The following PITPNC1 variants were observed in gnomAD, a reference collection of about 807,000 sequenced individuals.
The protein encoded by PITPNC1 is cytoplasmic phosphatidylinositol transfer protein 1.
In PITPNC1, 18 loss-of-function variants were observed where a neutral mutation model predicts 44.7. That is an observed-to-expected ratio of 0.40 (90% CI 0.28 to 0.60). The LOEUF (loss-of-function observed/expected upper bound fraction) is 0.60. Among genes scored for constraint, PITPNC1 ranks in the 20% least tolerant of loss-of-function variants. The pLI is 0.39. For synonymous variants in PITPNC1, 141 were observed against 149.6 expected (o/e 0.94, Z 0.42); for missense variants, 290 against 418.4 (o/e 0.69, Z 2.68).
At chr17:67,485,714 G>A (rs913105062) in intron 1 of PITPNC1, among the ~76,000 whole-genome samples, 1 of 152,034 alleles carries the variant, frequency 6.6e-6, no homozygotes, top group Non-Finnish European at 1.5e-5. Context: ...CAGGAGTTGA[G>A]GGACATTGGA....
At chr17:67,526,067 C>T (rs186183341) in intron 1 of PITPNC1, among the ~76,000 whole-genome samples, 15 of 152,254 alleles carry the variant, frequency 9.9e-5, no homozygotes, top group African/African-American at 2.9e-4. Context: ...TGGGAATCTA[C>T]GTTGCAAAGC....
intron 5 of PITPNC1, among the ~76,000 whole-genome samples, chr17:67,608,490 G>GC (rs2041642501): frequency 7.7e-6 from 1 of 129,480 alleles, no homozygotes; most frequent in Non-Finnish European, 1.6e-5. Context: ...CTGTTTCTCA[G>GC]CTTTTTTTTT....
At chr17:67,406,246 A>G (rs906589511) in intron 1 of PITPNC1, among the ~76,000 whole-genome samples, 4 of 151,412 alleles carry the variant, frequency 2.6e-5, no homozygotes, top group Non-Finnish European at 5.9e-5. Context: ...GGGCTCAAAC[A>G]TTTCTCCTGC....
chr17:67,602,761 G>C (rs955871460), intron 5 of PITPNC1, among the ~76,000 whole-genome samples: 1 of 152,082 alleles, frequency 6.6e-6, no homozygotes, highest in African/African-American at 2.4e-5. Flanking sequence ...TTGGGGGGAT[G>C]GATCTTGCTC....
intron 6 of PITPNC1, among the ~76,000 whole-genome samples, chr17:67,660,288 C>G (rs2042324510): frequency 6.6e-6 from 1 of 152,106 alleles, no homozygotes. Context: ...GAACACAGAG[C>G]AGGCAGGAAC....
At position 67,451,639 on chromosome 17, in the gene PITPNC1, T is replaced by G. The variant is rs139230463; in HGVS notation, c.48+73437T>G. ...TCCTTTGAGACTGACCTTTTTTTTT[T>G]TTGTTTTGTTTTTTTTTGAGACAGA... On this transcript the variant is annotated intron_variant, in intron 1 of 8. Coordinates refer to ENST00000581322, the MANE Select transcript of PITPNC1 (RefSeq NM_012417.4). Among the ~76,000 whole-genome samples the G allele has an allele frequency of 1.6e-4, 24 of 151,608 alleles. 1 individual carries two copies. Among genetic ancestry groups the G allele is most frequent in the African/African-American group, 4.4e-4 (18 of 41,040 alleles).
At chr17:67,651,453 C>T (rs2042208670) in intron 6 of PITPNC1, among the ~76,000 whole-genome samples, 1 of 151,864 alleles carries the variant, frequency 6.6e-6, no homozygotes, top group Non-Finnish European at 1.5e-5. Flanking sequence ...GTGGTGGTTG[C>T]AGTGAGCCGA....
chr17:67,611,772 A>G (rs1007038231), intron 5 of PITPNC1: 2 of 152,076 alleles, frequency 1.3e-5, no homozygotes, highest in Non-Finnish European at 2.9e-5. Context: ...CACCCGGCCA[A>G]TGAATGGTTT....
intron 6 of PITPNC1, among the ~76,000 whole-genome samples, chr17:67,640,621 A>T (rs1448365040): frequency 1.4e-5 from 2 of 145,796 alleles, no homozygotes; most frequent in Non-Finnish European, 3.0e-5. Context: ...CGAAGCTTGC[A>T]GTGAGCCAAA....
At chr17:67,443,960 C>A (rs2039055929) in intron 1 of PITPNC1, among the ~76,000 whole-genome samples, 1 of 151,944 alleles carries the variant, frequency 6.6e-6, no homozygotes, top group Non-Finnish European at 1.5e-5. Flanking sequence ...ATCAGGAGAA[C>A]CTGGATTTGG....
intron 1 of PITPNC1, among the ~76,000 whole-genome samples, chr17:67,420,033 G>A (rs1453894465): frequency 6.6e-6 from 1 of 152,122 alleles, no homozygotes; most frequent in Non-Finnish European, 1.5e-5. Context: ...GTCTCATTTT[G>A]CTTCATGCAT....
At position 67,631,628 on chromosome 17, in the gene PITPNC1, CAAAAACCAA is replaced by C. The variant is rs1382303754; in HGVS notation, c.367-509_367-501del. Among the ~76,000 whole-genome samples the C allele has an allele frequency of 1.7e-3, 23 of 13,324 alleles. 1 individual carries two copies. The highest frequency in any genetic ancestry group is 2.0e-3 in the Non-Finnish European group (14 of 6,876). The allele number at this position is 13,324 out of a possible 152,430, so 8.7% of individuals were successfully genotyped here. On this transcript the variant is annotated intron_variant, in intron 5 of 8. Coordinates refer to ENST00000581322, the MANE Select transcript of PITPNC1 (RefSeq NM_012417.4). ...TGGGCGAAAGAGTGAGACTCCGTCT[CAAAAACCAA>C]AAAAAAAAAAAAAAAAAAAAATATA...
At chr17:67,407,983 T>C (rs760891138) in intron 1 of PITPNC1, among the ~76,000 whole-genome samples, 18 of 151,784 alleles carry the variant, frequency 1.2e-4, no homozygotes, top group Non-Finnish European at 2.4e-4. Context: ...TGAGACAGAG[T>C]CTTGCTCTGT....
intron 4 of PITPNC1, among the ~76,000 whole-genome samples, chr17:67,568,493 T>C (rs1195959078): frequency 6.6e-6 from 1 of 152,146 alleles, no homozygotes; most frequent in Non-Finnish European, 1.5e-5. Context: ...GTGAATTATA[T>C]GGTATGTGAA....
At chr17:67,475,996 G>A (rs919854146) in intron 1 of PITPNC1, among the ~76,000 whole-genome samples, 2 of 152,014 alleles carry the variant, frequency 1.3e-5, no homozygotes, top group Admixed American at 6.6e-5. Flanking sequence ...ATTTGATATT[G>A]AGGGACAGTA....
intron 1 of PITPNC1, among the ~76,000 whole-genome samples, chr17:67,522,070 G>A (rs1329169345): frequency 6.6e-6 from 1 of 152,116 alleles, no homozygotes; most frequent in Non-Finnish European, 1.5e-5. Flanking sequence ...TTGGAAGGCC[G>A]AGGCAGGTGC....
rs540673531 is a variant in PITPNC1 at position 67,392,530 on chromosome 17, C to A, written c.48+14328C>A. Among the ~76,000 whole-genome samples the A allele has an allele frequency of 2.6e-5, 4 of 152,172 alleles. No individual in the cohort carries two copies. In the South Asian group the frequency reaches 8.3e-4, roughly 32 times the overall value. On this transcript the variant is annotated intron_variant, in intron 1 of 8. Transcript: ENST00000581322. ...AAGTGCTGGGATTATAGGTGTGAGC[C>A]GCTGCGCTTGGCTAAAATAAATATT...
chr17:67,675,158 C>T (rs1446163042), intron 7 of PITPNC1, among the ~76,000 whole-genome samples: 2 of 152,100 alleles, frequency 1.3e-5, no homozygotes, highest in Non-Finnish European at 2.9e-5. Context: ...AGAAAAACTT[C>T]AAGGTAATTA....
chr17:67,670,692 A>G (rs2042497721), intron 7 of PITPNC1, among the ~76,000 whole-genome samples: 1 of 141,962 alleles, frequency 7.0e-6, no homozygotes, highest in African/African-American at 2.6e-5. Flanking sequence ...CAGAGGTTGC[A>G]GTGAGCCAAG....
Sources: allele counts gnomAD v4.1 joint callset (sites outside exome capture counted in the v4.1 genomes callset), GRCh38; gene constraint gnomAD v4.1.1; transcripts MANE v1.5; gene names NCBI Gene and HGNC (gene_info 2026-07-23, HGNC 2026-07-21).